Variants in KCNIP4 observed in about 807,000 individuals in gnomAD.
KCNIP4 encodes Kv channel-interacting protein 4.
Under a neutral mutation model 34.0 loss-of-function variants are expected in KCNIP4, and 12 were observed. The observed-to-expected ratio is 0.35, with a 90% CI of 0.23 to 0.57. The LOEUF (loss-of-function observed/expected upper bound fraction) is 0.57, where lower values mean the gene tolerates loss of function less well. Among genes scored for constraint, KCNIP4 ranks in the 20% least tolerant of loss-of-function variants. The pLI is 0.83. For synonymous variants in KCNIP4, 124 were observed against 102.2 expected (o/e 1.21, Z -1.29); for missense variants, 238 against 311.7 (o/e 0.76, Z 1.78).
intron 1 of KCNIP4, among the ~76,000 whole-genome samples, chr4:21,411,993 C>A (rs1724551304): frequency 6.6e-6 from 1 of 152,172 alleles, no homozygotes; most frequent in South Asian, 2.1e-4. Flanking sequence ...CTACAGTGTA[C>A]TGAAACAAAT....
chr4:20,978,246 G>GA (rs1184780746), intron 1 of KCNIP4, among the ~76,000 whole-genome samples: 2 of 152,052 alleles, frequency 1.3e-5, no homozygotes, highest in Admixed American at 6.6e-5. Flanking sequence ...ATTACTAACA[G>GA]AAAAAATATA....
chr4:20,730,254 T>TTAAG (rs1747689916), intron 8 of KCNIP4, 125 bp from the exon 9 acceptor site: 2 of 1,231,230 alleles, frequency 1.6e-6, no homozygotes, highest in African/African-American at 1.5e-5. Context: ...AGCTCAAATA[T>TTAAG]TAAGTGTTTG....
intron 3 of KCNIP4, among the ~76,000 whole-genome samples, chr4:20,800,047 C>A (rs891390581): frequency 6.6e-6 from 1 of 152,306 alleles, no homozygotes; most frequent in East Asian, 1.9e-4. Context: ...CAGGACGCCC[C>A]ACTGTGGGGG....
intron 1 of KCNIP4, among the ~76,000 whole-genome samples, chr4:21,829,792 C>A (rs996269979): frequency 2.2e-4 from 34 of 151,438 alleles, no homozygotes; most frequent in Non-Finnish European, 4.1e-4. Context: ...AACCAGAAAA[C>A]AATTGTTTTA....
chr4:21,528,737 A>G (rs1302014827), intron 1 of KCNIP4, among the ~76,000 whole-genome samples: 1 of 4,598 alleles, frequency 2.2e-4, no homozygotes, highest in East Asian at 9.1e-3. Context: ...GAAAGAAAGA[A>G]AGAAAGAAAG....
intron 1 of KCNIP4, among the ~76,000 whole-genome samples, chr4:21,687,815 A>T (rs1214128834): frequency 4.6e-5 from 7 of 152,320 alleles, no homozygotes; most frequent in Middle Eastern, 6.8e-3. Flanking sequence ...TGATCAGGAA[A>T]TGTCTCACTA....
At chr4:21,714,101 C>T (rs1713958754) in intron 1 of KCNIP4, among the ~76,000 whole-genome samples, 1 of 152,040 alleles carries the variant, frequency 6.6e-6, no homozygotes, top group Non-Finnish European at 1.5e-5. Context: ...TTAATATACT[C>T]CAAAAATATA....
chr4:21,484,917 T>G (rs1731779703), intron 1 of KCNIP4, among the ~76,000 whole-genome samples: 1 of 152,232 alleles, frequency 6.6e-6, no homozygotes, highest in Non-Finnish European at 1.5e-5. Context: ...CATAAATGTT[T>G]CCCAGCATAG....
intron 2 of KCNIP4, among the ~76,000 whole-genome samples, chr4:20,881,366 T>C (rs1330569464): frequency 6.6e-6 from 1 of 152,174 alleles, no homozygotes; most frequent in Non-Finnish European, 1.5e-5. Context: ...TCCTACAAAA[T>C]GGTGTAGCAG....
chr4:20,871,825 C>T (rs1723496276), intron 2 of KCNIP4, among the ~76,000 whole-genome samples: 1 of 152,066 alleles, frequency 6.6e-6, no homozygotes, highest in African/African-American at 2.4e-5. Context: ...GATGCCTAAA[C>T]TCATCTTGAT....
chr4:21,148,335 G>A (rs1408659266), intron 1 of KCNIP4, among the ~76,000 whole-genome samples: 1 of 152,098 alleles, frequency 6.6e-6, no homozygotes, highest in South Asian at 2.1e-4. Flanking sequence ...CTAAGATACT[G>A]GACAGACAGC....
chr4:21,098,796 G>A (rs12639638), intron 1 of KCNIP4, among the ~76,000 whole-genome samples: 24,253 of 152,054 alleles, frequency 0.16, 2,041 homozygotes, highest in East Asian at 0.23. Context: ...ATTTTCTCAT[G>A]TAATTATTTA....
chr4:21,057,334 A>T (rs1340698093), intron 1 of KCNIP4, among the ~76,000 whole-genome samples: 2 of 152,126 alleles, frequency 1.3e-5, no homozygotes, highest in African/African-American at 2.4e-5. Flanking sequence ...CATAAAGTAG[A>T]TTTTCTATCC....
intron 1 of KCNIP4, among the ~76,000 whole-genome samples, chr4:20,938,744 C>A (rs927708124): frequency 2.0e-5 from 3 of 152,180 alleles, no homozygotes; most frequent in Non-Finnish European, 4.4e-5. Context: ...ACACCTCTTA[C>A]ATATTCTCCA....
chr4:21,392,860 C>T (rs535025170), intron 1 of KCNIP4, among the ~76,000 whole-genome samples: 1 of 152,236 alleles, frequency 6.6e-6, no homozygotes, highest in African/African-American at 2.4e-5. Flanking sequence ...ACATTATGTA[C>T]AAAGACAAGC....
At chr4:21,029,425 A>G (rs1740821589) in intron 1 of KCNIP4, among the ~76,000 whole-genome samples, 2 of 152,226 alleles carry the variant, frequency 1.3e-5, no homozygotes, top group Non-Finnish European at 2.9e-5. Flanking sequence ...AGTAATTGTT[A>G]GTTTCTCCAA....
chr4:21,126,590 T>A (rs760345456), intron 1 of KCNIP4, among the ~76,000 whole-genome samples: 118 of 130,402 alleles, frequency 9.0e-4, no homozygotes, highest in Non-Finnish European at 1.2e-3. Context: ...TTTATCAATA[T>A]CAACTTTGTT....
intron 1 of KCNIP4, among the ~76,000 whole-genome samples, chr4:21,252,597 C>A (rs1760793015): frequency 6.6e-6 from 1 of 152,036 alleles, no homozygotes. Context: ...TGTTAACACC[C>A]CTGTGTGATG....
chr4:21,486,850 G>A (rs1179805245), intron 1 of KCNIP4, among the ~76,000 whole-genome samples: 1 of 151,734 alleles, frequency 6.6e-6, no homozygotes, highest in Non-Finnish European at 1.5e-5. Context: ...TGTCACCCAG[G>A]CTGTAGTGCA....
Sources: allele counts gnomAD v4.1 joint callset (sites outside exome capture counted in the v4.1 genomes callset), GRCh38; gene constraint gnomAD v4.1.1; transcripts MANE v1.5; gene names NCBI Gene and HGNC (gene_info 2026-07-23, HGNC 2026-07-21).